PARVB: variants seen among roughly 807,000 people sequenced by gnomAD.
PARVB encodes the protein beta-parvin.
PARVB carries 46 observed loss-of-function variants against 47.0 expected under a neutral mutation model. The observed-to-expected ratio is 0.98, with a 90% CI of 0.77 to 1.25. PARVB has a LOEUF of 1.25. Among genes scored for constraint, PARVB ranks in the 50% most tolerant of loss-of-function variants. PARVB has a pLI of 0.00. For missense variants in PARVB, 473 were observed against 471.6 expected, an observed-to-expected ratio of 1.00 and a Z score of -0.03; for synonymous variants, 196 against 196.3, an observed-to-expected ratio of 1.00 and a Z score of 0.01.
At chr22:44,131,204 T>C (rs1340918706) in intron 4 of PARVB, among the ~76,000 whole-genome samples, 1 of 151,112 alleles carries the variant, frequency 6.6e-6, no homozygotes, top group East Asian at 1.9e-4. Flanking sequence ...TGCAATGGCA[T>C]GATCTTGGCT....
intron 4 of PARVB, among the ~76,000 whole-genome samples, chr22:44,124,012 C>T (rs133904): frequency 0.39 from 59,605 of 152,178 alleles, 11,939 homozygotes; most frequent in Middle Eastern, 0.52. Context: ...GAGTATCTGG[C>T]TCGCTGCTGG....
chr22:44,110,489 G>A (rs1881817859), intron 3 of PARVB: 2 of 152,186 alleles, frequency 1.3e-5, no homozygotes, highest in African/African-American at 4.8e-5. Context: ...GAGCTTTGTA[G>A]TCAGGTGTGA....
At chr22:44,100,765 GT>G (rs2052424169) in intron 3 of PARVB, among the ~76,000 whole-genome samples, 1 of 152,180 alleles carries the variant, frequency 6.6e-6, no homozygotes, top group Admixed American at 6.5e-5. Context: ...ACAGATTGCA[GT>G]TTTGGTTGCT....
At chr22:44,016,501 C>T (rs1451231128) in intron 2 of PARVB, among the ~76,000 whole-genome samples, 9 of 152,150 alleles carry the variant, frequency 5.9e-5, no homozygotes, top group African/African-American at 1.2e-4. Context: ...GGTATCACCC[C>T]AGACAAATGA....
intron 1 of PARVB, among the ~76,000 whole-genome samples, chr22:44,070,136 GC>G: frequency 1.3e-5 from 2 of 152,332 alleles, no homozygotes; most frequent in South Asian, 4.2e-4. Flanking sequence ...TCCTTAACGT[GC>G]TTTGCTCAGT....
intron 1 of PARVB, among the ~76,000 whole-genome samples, chr22:44,053,228 C>T (rs2051244322): frequency 6.6e-6 from 1 of 151,972 alleles, no homozygotes; most frequent in Non-Finnish European, 1.5e-5. Context: ...GGATTAGAGG[C>T]ATACACCACC....
Position 44,068,932 on chromosome 22 carries a change from AGTG to A in PARVB, c.113-24993_113-24991del, listed in dbSNP as rs887671045. On this transcript the variant is annotated intron_variant, in intron 1 of 12. Transcript: ENST00000338758. The surrounding 1 kb of genome is among the most constrained non-coding windows in gnomAD (Gnocchi z 4.1). ...GGCTGATGGGAGTCAAGACAGAAAT[AGTG>A]GTCTGTGGTCAGCAAGGAGCTATCG... The A allele has an allele frequency of 8.7e-6, 5 of 574,382 alleles. No homozygotes were observed. The highest frequency in any genetic ancestry group is 1.2e-5 in the Non-Finnish European group (4 of 322,118). 35.6% of individuals were successfully genotyped at this position (574,382 alleles called of 1,614,324 possible). A position where few individuals can be genotyped will look rare whatever the true frequency, so the allele number is the denominator to read the frequency against.
intron 2 of PARVB, among the ~76,000 whole-genome samples, chr22:44,012,563 G>T (rs2050533818): frequency 6.6e-6 from 1 of 152,174 alleles, no homozygotes; most frequent in Non-Finnish European, 1.5e-5. Context: ...TATGGTTACA[G>T]CGTGCTTGAA....
At chr22:44,096,258 A>G (rs536050857) in intron 2 of PARVB, among the ~76,000 whole-genome samples, 2 of 152,288 alleles carry the variant, frequency 1.3e-5, no homozygotes, top group South Asian at 2.1e-4. Flanking sequence ...TTAGCCAGGC[A>G]TGGTGGCACA....
intron 4 of PARVB, among the ~76,000 whole-genome samples, chr22:44,126,303 G>A (rs2053184501): frequency 6.6e-6 from 1 of 152,196 alleles, no homozygotes; most frequent in Non-Finnish European, 1.5e-5. Context: ...ACAAGAATAA[G>A]TCTGAAATGT....
intron 11 of PARVB, among the ~76,000 whole-genome samples, chr22:44,163,309 AAAT>A (rs904946891): frequency 1.3e-5 from 2 of 152,078 alleles, no homozygotes; most frequent in East Asian, 3.9e-4. Flanking sequence ...TCTCTAAAAA[AAAT>A]AATAATAATA....
chr22:44,146,349 T>TCG (rs1413363578), intron 8 of PARVB: 2 of 104,512 alleles, frequency 1.9e-5, no homozygotes, highest in East Asian at 1.0e-3. Context: ...ACACAGGTGC[T>TCG]CACACACACA....
chr22:44,009,830 C>T (rs1475660292), intron 2 of PARVB, among the ~76,000 whole-genome samples: 2 of 128,742 alleles, frequency 1.6e-5, no homozygotes, highest in Non-Finnish European at 3.2e-5. Flanking sequence ...TTTTTTGAGA[C>T]GGAGTTTTTC....
At chr22:44,076,413 A>T (rs914906742) in intron 1 of PARVB, among the ~76,000 whole-genome samples, 3 of 152,134 alleles carry the variant, frequency 2.0e-5, no homozygotes, top group Admixed American at 6.5e-5. Context: ...TCTCCTCAGA[A>T]ATCCGTTCTC....
chr22:44,016,607 A>G (rs1471804290), intron 2 of PARVB, among the ~76,000 whole-genome samples: 1 of 152,236 alleles, frequency 6.6e-6, no homozygotes, highest in Non-Finnish European at 1.5e-5. Context: ...AGGTAATTTT[A>G]TACAATATTT....
At chr22:44,003,134 A>G (rs975906591) in intron 2 of PARVB, among the ~76,000 whole-genome samples, 2 of 152,146 alleles carry the variant, frequency 1.3e-5, no homozygotes, top group Non-Finnish European at 2.9e-5. Flanking sequence ...TTGTCACTAG[A>G]TGGATGTGCC....
At chr22:44,009,367 A>G (rs2050498452) in intron 2 of PARVB, 1 of 152,232 alleles carries the variant, frequency 6.6e-6, no homozygotes, top group Non-Finnish European at 1.5e-5. Context: ...TGCCTGTCTG[A>G]GTATTCATTT....
At chr22:44,133,499 G>C (rs1283893930) in intron 6 of PARVB, among the ~76,000 whole-genome samples, 1 of 152,160 alleles carries the variant, frequency 6.6e-6, no homozygotes, top group Non-Finnish European at 1.5e-5. Flanking sequence ...GGGTGAAGTA[G>C]AGTTACCTTT....
chr22:44,131,342 A>G (rs951481996), intron 4 of PARVB, 145 bp from the exon 5 acceptor site: 3 of 737,132 alleles, frequency 4.1e-6, no homozygotes, highest in South Asian at 3.6e-5. Flanking sequence ...GGATTTCACC[A>G]TATTTGCCAG....
Sources: allele counts gnomAD v4.1 joint callset (sites outside exome capture counted in the v4.1 genomes callset), GRCh38; gene constraint gnomAD v4.1.1; non-coding constraint Gnocchi (gnomAD v3.1); transcripts MANE v1.5; gene names NCBI Gene and HGNC (gene_info 2026-07-23, HGNC 2026-07-21).